NPAS4: variants seen among roughly 807,000 people sequenced by gnomAD.
NPAS4 encodes the protein neuronal PAS domain-containing protein 4.
In NPAS4, 10 loss-of-function variants were observed where a neutral mutation model predicts 64.0. The observed-to-expected ratio is 0.16, with a 90% CI of 0.10 to 0.26. The LOEUF (loss-of-function observed/expected upper bound fraction) is 0.26, where lower values mean the gene tolerates loss of function less well. Among genes scored for constraint, NPAS4 ranks in the 10% least tolerant of loss-of-function variants. The probability of loss-of-function intolerance (pLI) is 1.00; values close to 1 mark genes in which losing one functional copy is unlikely to be tolerated. For synonymous variants in NPAS4, 441 were observed against 411.7 expected (o/e 1.07, Z -0.86); for missense variants, 886 against 992.6 (o/e 0.89, Z 1.44).
At chr11:66,420,960 C>T (rs1856731311), upstream of NPAS4, 1 of 524,152 alleles carries the variant, frequency 1.9e-6, no homozygotes, top group African/African-American at 1.9e-5. Context: ...CTCCCGCTCT[C>T]CCGCCCCCCC....
At chr11:66,421,401 G>A (rs1489264558) in intron 1 of NPAS4, 47 bp downstream of exon 1, 3 of 1,588,582 alleles carry the variant, frequency 1.9e-6, no homozygotes, top group Non-Finnish European at 2.6e-6. Flanking sequence ...AGGCGCCGGA[G>A]ACCCTGGAGC....
chr11:66,414,430 T>C, the NPAS4 span, among the ~76,000 whole-genome samples: 1 of 152,160 alleles, frequency 6.6e-6, no homozygotes, highest in African/African-American at 2.4e-5. Flanking sequence ...CACAAAAGTT[T>C]CATCTTTTCC....
Position 66,424,477 on chromosome 11 carries a change from A to G in NPAS4, c.1587A>G (p.Glu529=). 1 of 1,614,080 alleles carries G rather than the reference A, an allele frequency of 6.2e-7. No individual in the cohort carries two copies. Among genetic ancestry groups the G allele is most frequent in the Non-Finnish European group, 8.5e-7 (1 of 1,179,990 alleles). The change falls in exon 7 of 8, where the codon GAA becomes GAG. Residue 529 remains glutamate, a synonymous_variant. Coordinates refer to ENST00000311034, the MANE Select transcript of NPAS4 (RefSeq NM_178864.4). ...FPEPLGSPAH[E]QLTPPSTAFQ... ...AGCCTCTGGGCAGCCCTGCCCATGAACAGCTGACTCCTCCCAGCACAGCAT... is the reference window on the plus strand; with the variant it reads ...AGCCTCTGGGCAGCCCTGCCCATGAGCAGCTGACTCCTCCCAGCACAGCAT...
chr11:66,418,409 C>T (rs1856693732), upstream of NPAS4, among the ~76,000 whole-genome samples: 1 of 152,090 alleles, frequency 6.6e-6, no homozygotes, highest in African/African-American at 2.4e-5. Context: ...ATAAATAGCT[C>T]CTCTCCCACG....
chr11:66,423,673 G>A lies in NPAS4; in HGVS notation c.904G>A (p.Gly302Ser). The A allele has an allele frequency of 6.2e-7, 1 of 1,614,188 alleles. No individual in the cohort carries two copies. Among genetic ancestry groups the A allele is most frequent in the Admixed American group, 1.7e-5 (1 of 60,022 alleles). ...GATTTACTGCCTGTTATACTCAGAA[G>A]GTCCAGAGGGACCCATTACTGCCAA... ...AWIYCLLYSE[G>S]PEGPITANNY... Residue 302 changes from glycine to serine, a missense_variant, in exon 6 of 8, where the codon GGT becomes AGT. Physicochemically the swap from Gly to Ser is moderately conservative, Grantham distance 56 (BLOSUM62 0). This residue lies in a region of NPAS4 where 820 missense variants were observed against 855.5 expected (regional missense o/e 0.96). Coordinates refer to ENST00000311034, the MANE Select transcript of NPAS4 (RefSeq NM_178864.4).
chr11:66,426,151 C>G lies in NPAS4; in HGVS notation c.*162C>G. 3 of 452,638 alleles carry G rather than the reference C, an allele frequency of 6.6e-6. No homozygotes were observed. The East Asian group carries it at 1.2e-4, about 19-fold the overall frequency. 28.0% of individuals were successfully genotyped at this position (452,638 alleles called of 1,614,324 possible). Reference sequence around the variant, plus strand: ...TTTTGGGGGGGGGGAGGTGGGAGGGCAAGGGAGGGGAGCTTCTTTTTAAAA... The same window carrying G: ...TTTTGGGGGGGGGGAGGTGGGAGGGGAAGGGAGGGGAGCTTCTTTTTAAAA... On this transcript the variant is annotated 3_prime_UTR_variant, in exon 8 of 8. Transcript: ENST00000311034.
intron 1 of NPAS4, 152 bp from the exon 2 acceptor site, chr11:66,421,968 C>T: frequency 1.5e-6 from 1 of 676,066 alleles, no homozygotes; most frequent in Non-Finnish European, 2.5e-6. Context: ...GGTTCCCTGG[C>T]CAAGAGCTGC....
upstream of NPAS4, among the ~76,000 whole-genome samples, chr11:66,419,702 G>A (rs1397112146): frequency 7.2e-5 from 11 of 152,132 alleles, no homozygotes; most frequent in African/African-American, 2.7e-4. Context: ...GTGTGTGGGG[G>A]GGTGGGGATA....
At position 66,422,282 on chromosome 11, in the gene NPAS4, AG is replaced by A; in HGVS notation, c.327+14del. On this transcript the variant is annotated intron_variant, in intron 2 of 7. Coordinates refer to ENST00000311034, the MANE Select transcript of NPAS4 (RefSeq NM_178864.4). ...CTGGGCCACTCCATGGTGAGTGCTA[AG>A]GGTCCTTTCAGCTGAGGCTGGGCAT... is the stretch of plus-strand genomic sequence containing the variant. The A allele has an allele frequency of 6.2e-7, 1 of 1,613,854 alleles. No homozygotes were observed. The highest frequency in any genetic ancestry group is 8.5e-7 in the Non-Finnish European group (1 of 1,179,868).
chr11:66,415,973 T>C, the NPAS4 span, among the ~76,000 whole-genome samples: 1 of 152,134 alleles, frequency 6.6e-6, no homozygotes, highest in Non-Finnish European at 1.5e-5. Flanking sequence ...TGTAGTAGTT[T>C]ATGCCTGTAG....
chr11:66,413,068 T>G, the NPAS4 span, among the ~76,000 whole-genome samples: 1 of 152,194 alleles, frequency 6.6e-6, no homozygotes, highest in Non-Finnish European at 1.5e-5. Flanking sequence ...GTGACCACAG[T>G]CTAGTGGACA....
chr11:66,415,210 G>A, the NPAS4 span, among the ~76,000 whole-genome samples: 264 of 152,286 alleles, frequency 1.7e-3, 2 homozygotes, highest in Middle Eastern at 0.014. Flanking sequence ...CCTGCATGGG[G>A]AGGGTACATC....
At chr11:66,414,631 T>C in the NPAS4 span, among the ~76,000 whole-genome samples, 4 of 152,150 alleles carry the variant, frequency 2.6e-5, no homozygotes, top group African/African-American at 7.2e-5. Flanking sequence ...CATGTGCAAG[T>C]AGAATTGAGG....
chr11:66,421,081 AGCGAGAGACGG>A lies in NPAS4; in HGVS notation c.-97_-87del. ...CCCAGGAGAGCAGAGAGCGAGCCTG[AGCGAGAGACGG>A]GGAAGCACGGAGGAGGAAGCCGCCG... On this transcript the variant is annotated 5_prime_UTR_variant, in exon 1 of 8. Transcript: ENST00000311034. 1 of 1,061,808 alleles carries A rather than the reference AGCGAGAGACGG, an allele frequency of 9.4e-7. No individual in the cohort carries two copies. Among genetic ancestry groups the A allele is most frequent in the Non-Finnish European group, 1.4e-6 (1 of 732,648 alleles). The allele number at this position is 1,061,808 out of a possible 1,614,324, so 65.8% of individuals were successfully genotyped here.
At chr11:66,415,089 C>T in the NPAS4 span, among the ~76,000 whole-genome samples, 1 of 152,154 alleles carries the variant, frequency 6.6e-6, no homozygotes, top group Admixed American at 6.5e-5. Context: ...GCCCTGAGAC[C>T]CCCCTGCCCA....
chr11:66,422,375 C>A, intron 2 of NPAS4, 76 bp from the exon 3 acceptor site: 1 of 1,471,594 alleles, frequency 6.8e-7, no homozygotes, highest in Non-Finnish European at 9.5e-7. Context: ...GAGGTTATAC[C>A]CTACAAGATA....
Position 66,425,200 on chromosome 11 carries a change from A to C in NPAS4, c.2310A>C (p.Ala770=). Residue 770 remains alanine, a synonymous_variant, in exon 7 of 8, where the codon GCA becomes GCC. Transcript: ENST00000311034. ...CCGCCTTTGAGACAGGTGTCTCAGCATTCCCCTATGATGGGTTTACTGATG... is the reference window on the plus strand; with the variant it reads ...CCGCCTTTGAGACAGGTGTCTCAGCCTTCCCCTATGATGGGTTTACTGATG... ...YETAFETGVS[A]FPYDGFTDEL... is the part of the protein sequence containing the mutation. 6.4e-7 allele frequency: 1 copy of C among 1,568,144 alleles called. No homozygotes were observed. Among genetic ancestry groups the C allele is most frequent in the South Asian group, 1.2e-5 (1 of 81,964 alleles).
Position 66,423,025 on chromosome 11 carries a change from A to T in NPAS4, c.698+84A>T. 4 of 1,534,814 alleles carry T rather than the reference A, an allele frequency of 2.6e-6. No individual in the cohort carries two copies. The South Asian group carries it at 3.5e-5, about 13-fold the overall frequency. On this transcript the variant is annotated intron_variant, in intron 4 of 7. Coordinates refer to ENST00000311034, the MANE Select transcript of NPAS4 (RefSeq NM_178864.4). ...GATTCTGGAGTCAGGGGCAGGGAGG[A>T]TGGGGTTTAGGGGGGCAGAGGATCT...
chr11:66,424,051 A>G lies in NPAS4; in HGVS notation c.1161A>G (p.Ser387=). 3 of 1,614,154 alleles carry G rather than the reference A, an allele frequency of 1.9e-6. No individual in the cohort carries two copies. The highest frequency in any genetic ancestry group is 1.7e-6 in the Non-Finnish European group (2 of 1,180,018). Residue 387 remains serine, a synonymous_variant, in exon 7 of 8, where the codon TCA becomes TCG. Transcript: ENST00000311034. ...CTGAACTGAGTGTTGTCTCTGCATC[A>G]GAAGAGCTTCCCCGACCCTCCAAAG... is the stretch of plus-strand genomic sequence containing the variant. The part of the protein sequence containing the change: ...SAPELSVVSA[S]EELPRPSKEL...
Sources: allele counts gnomAD v4.1 joint callset (sites outside exome capture counted in the v4.1 genomes callset), GRCh38; gene constraint gnomAD v4.1.1; regional missense constraint gnomAD v4.1.1; transcripts MANE v1.5; gene names NCBI Gene and HGNC (gene_info 2026-07-23, HGNC 2026-07-21).